RGS3: variants seen among roughly 807,000 people sequenced by gnomAD.
RGS3 encodes regulator of G protein signaling 3.
In RGS3, 80 loss-of-function variants were observed where a neutral mutation model predicts 132.6. The observed-to-expected ratio is 0.60, with a 90% CI of 0.50 to 0.73. RGS3 has a LOEUF of 0.73. Ranked by LOEUF, RGS3 falls within the 30% of genes least tolerant of loss-of-function variation. The probability of loss-of-function intolerance (pLI) is 0.00; values close to 1 mark genes in which losing one functional copy is unlikely to be tolerated. For missense variants in RGS3, 1,382 were observed against 1,530.8 expected, an observed-to-expected ratio of 0.90 and a Z score of 1.62; for synonymous variants, 598 against 620.6, an observed-to-expected ratio of 0.96 and a Z score of 0.54.
intron 4 of RGS3, among the ~76,000 whole-genome samples, chr9:113,482,754 CTG>C (rs2119222266): frequency 6.6e-6 from 1 of 152,318 alleles, no homozygotes; most frequent in South Asian, 2.1e-4. Context: ...ATTCTATAAA[CTG>C]TAGTTCTCTT....
chr9:113,553,459 A>AAAAAAAAAAAAAAATATATAT (rs1426114805), intron 19 of RGS3, among the ~76,000 whole-genome samples: 2 of 58,704 alleles, frequency 3.4e-5, no homozygotes, highest in African/African-American at 1.4e-4. Context: ...AAAAAAAAAA[A>AAAAAAAAAAAAAAATATATAT]ATATATATAT....
At chr9:113,461,079 GTGTA>G (rs1829460436) in intron 1 of RGS3, among the ~76,000 whole-genome samples, 1 of 152,106 alleles carries the variant, frequency 6.6e-6, no homozygotes, top group East Asian at 1.9e-4. Context: ...TATGTGAGGT[GTGTA>G]TGTAGTGTGT....
At chr9:113,524,394 T>C (rs1832102952) in intron 17 of RGS3, among the ~76,000 whole-genome samples, 1 of 152,182 alleles carries the variant, frequency 6.6e-6, no homozygotes, top group Non-Finnish European at 1.5e-5. Flanking sequence ...GGGCCAGGGC[T>C]CAGTAATATG....
rs1832728606 is a variant in RGS3, at chr9:113,537,481, A to C, written c.2037+563A>C. ...GGCTGTTCTGGGCTGGGCACTGCTCAGCCCATCCAGTGCCTGGGGAGAGGG... is the reference window on the plus strand; with the variant it reads ...GGCTGTTCTGGGCTGGGCACTGCTCCGCCCATCCAGTGCCTGGGGAGAGGG... On this transcript the variant is annotated intron_variant, in intron 19 of 24. Transcript: ENST00000350696. The surrounding 1 kb of genome is among the most constrained non-coding windows in gnomAD (Gnocchi z 4.3). Among the ~76,000 whole-genome samples the C allele has an allele frequency of 6.6e-6, 1 of 152,154 alleles. No homozygotes were observed. Among genetic ancestry groups the C allele is most frequent in the African/African-American group, 2.4e-5 (1 of 41,430 alleles).
At chr9:113,447,368 G>T (rs1344677853) in intron 1 of RGS3, among the ~76,000 whole-genome samples, 2 of 25,636 alleles carry the variant, frequency 7.8e-5, no homozygotes, top group Non-Finnish European at 1.1e-4. Flanking sequence ...TATAGGCAAG[G>T]GTTGAAGATA....
intron 19 of RGS3, 77 bp from the exon 18 acceptor site, chr9:113,583,373 A>T (rs1162447126): frequency 1.3e-6 from 2 of 1,538,656 alleles, no homozygotes; most frequent in Admixed American, 2.0e-5. Context: ...GCCTGATTTC[A>T]TGTCAGCTCA....
rs180840797 is a variant in RGS3 at position 113,505,644 on chromosome 9, A to T, written c.979+121A>T. On this transcript the variant is annotated intron_variant, in intron 11 of 24. Coordinates refer to ENST00000350696, the Ensembl canonical transcript of RGS3. ...GAGCAAAGTGTCCTGGCTTTTCAAA[A>T]TGAAAAGAATAATATTTTTAAGTGA... The T allele has an allele frequency of 2.4e-4, 172 of 723,708 alleles. No individual in the cohort carries two copies. In the East Asian group the frequency reaches 4.6e-3, roughly 19 times the overall value. 44.8% of individuals were successfully genotyped at this position (723,708 alleles called of 1,614,324 possible). A position where few individuals can be genotyped will look rare whatever the true frequency, so the allele number is the denominator to read the frequency against.
At chr9:113,459,698 T>C (rs887172391), upstream of RGS3, among the ~76,000 whole-genome samples, 2 of 151,840 alleles carry the variant, frequency 1.3e-5, no homozygotes, top group African/African-American at 4.8e-5. Context: ...GATTGTGCCA[T>C]TGCACTGCAG....
At chr9:113,487,100 C>CTTTTTTT (rs60523804) in intron 7 of RGS3, among the ~76,000 whole-genome samples, 2 of 116,968 alleles carry the variant, frequency 1.7e-5, no homozygotes, top group Non-Finnish European at 3.6e-5. Flanking sequence ...TCATTTAATT[C>CTTTTTTT]TTTTTTTTTT....
At chr9:113,497,552 G>A in intron 9 of RGS3, 148 bp downstream of exon 7, 1 of 658,250 alleles carries the variant, frequency 1.5e-6, no homozygotes, top group Admixed American at 2.7e-5. Flanking sequence ...AGGAGCACTT[G>A]CTAGAGTGCA....
intron 15 of RGS3, 185 bp from the exon 14 acceptor site, chr9:113,517,356 G>A (rs777104941): frequency 3.9e-5 from 27 of 692,528 alleles, no homozygotes; most frequent in African/African-American, 2.6e-4. Context: ...GGACAGCAGC[G>A]TCTCTCTTTC....
intron 19 of RGS3, chr9:113,541,627 T>G: frequency 1.6e-6 from 2 of 1,222,244 alleles, no homozygotes; most frequent in South Asian, 5.2e-5. Context: ...CTTGTGGGCA[T>G]GCAGAGACTG....
At chr9:113,505,468 C>T in exon 11 of RGS3, 2 of 1,614,156 alleles carry the variant, frequency 1.2e-6, no homozygotes, top group East Asian at 2.2e-5. Context: ...GAAAGGACGG[C>T]TTTGGCTTCA....
chr9:113,591,608 A>G lies in RGS3; in HGVS notation c.3080+211A>G, dbSNP rs1210968066. ...CCTGAGCATTCTCTCCAAGTGAGGC[A>G]AAGTGCTGATTCAGTACCCGGAAGC... On this transcript the variant is annotated intron_variant, in intron 21 of 24. Coordinates refer to ENST00000350696, the Ensembl canonical transcript of RGS3. The surrounding 1 kb of genome is among the most constrained non-coding windows in gnomAD (Gnocchi z 4.4). 2 of 554,624 alleles carry G rather than the reference A, an allele frequency of 3.6e-6. No individual in the cohort carries two copies. Among genetic ancestry groups the G allele is most frequent in the African/African-American group, 3.8e-5 (2 of 52,882 alleles). The allele number at this position is 554,624 out of a possible 1,614,324, so 34.4% of individuals were successfully genotyped here.
At chr9:113,510,892 G>A (rs547236024) in intron 14 of RGS3, among the ~76,000 whole-genome samples, 1 of 152,330 alleles carries the variant, frequency 6.6e-6, no homozygotes, top group African/African-American at 2.4e-5. Flanking sequence ...TCAGAGGAAA[G>A]GGTGAAATTC....
At chr9:113,523,564 T>C (rs1832063689) in intron 17 of RGS3, among the ~76,000 whole-genome samples, 1 of 152,156 alleles carries the variant, frequency 6.6e-6, no homozygotes, top group South Asian at 2.1e-4. Context: ...TCTACTCAGC[T>C]GCATGGCCCT....
intron 10 of RGS3, among the ~76,000 whole-genome samples, chr9:113,503,916 C>T (rs1175555635): frequency 1.3e-5 from 2 of 152,156 alleles, no homozygotes; most frequent in Non-Finnish European, 2.9e-5. Flanking sequence ...TCTTTCTTTC[C>T]ATTTTTTTCT....
chr9:113,508,509 G>T, intron 13 of RGS3, 32 bp from the exon 12 acceptor site: 1 of 1,612,072 alleles, frequency 6.2e-7, no homozygotes, highest in Non-Finnish European at 8.5e-7. Context: ...TGTTCCTGGG[G>T]CTGAGGTGGT....
rs190567279 is a variant in RGS3 at position 113,471,656 on chromosome 9, G to A, written c.416-7835G>A. On this transcript the variant is annotated intron_variant, in intron 3 of 24. Coordinates refer to ENST00000350696, the Ensembl canonical transcript of RGS3. ...TCTTCCGTCCCTTCCTCCCCTCCCCGCTCTCTCTCTCCGTCCCTCCTTTCT... is the reference window on the plus strand; with the variant it reads ...TCTTCCGTCCCTTCCTCCCCTCCCCACTCTCTCTCTCCGTCCCTCCTTTCT... Among the ~76,000 whole-genome samples the A allele has an allele frequency of 1.9e-3, 265 of 142,004 alleles. 5 individuals are homozygous for A. The highest frequency in any genetic ancestry group is 3.3e-4 in the Non-Finnish European group (22 of 65,694). 93.2% of individuals were successfully genotyped at this position (142,004 alleles called of 152,430 possible). A position where few individuals can be genotyped will look rare whatever the true frequency, so the allele number is the denominator to read the frequency against.
Sources: gnomAD v4.1 joint callset for allele counts (sites outside exome capture counted in the v4.1 genomes callset) on GRCh38, gnomAD v4.1.1 for gene constraint, Gnocchi (gnomAD v3.1) non-coding constraint, MANE v1.5 for transcripts, NCBI Gene and HGNC (gene_info 2026-07-23, HGNC 2026-07-21) for gene names.